The following EVC2 variants were observed in gnomAD, a reference collection of about 807,000 sequenced individuals.
EVC2 encodes the protein EvC ciliary complex subunit 2, also known as limbin.
EVC2 carries 148 observed loss-of-function variants against 149.3 expected under a neutral mutation model. That is an observed-to-expected ratio of 0.99 (90% CI 0.87 to 1.14). The LOEUF (loss-of-function observed/expected upper bound fraction) is 1.14. EVC2 is among the 50% of genes most tolerant of loss of function. The pLI is 0.00. For synonymous variants in EVC2, 776 were observed against 649.9 expected (o/e 1.19, Z -2.95); for missense variants, 1,854 against 1,627.3 (o/e 1.14, Z -2.40).
chr4:5,643,602 C>A (rs1032729249), intron 9 of EVC2, among the ~76,000 whole-genome samples: 1 of 152,162 alleles, frequency 6.6e-6, no homozygotes, highest in Non-Finnish European at 1.5e-5. Flanking sequence ...GTGCGACTAC[C>A]TACACTGTCA....
At chr4:5,604,278 C>T (rs1398411983) in intron 16 of EVC2, among the ~76,000 whole-genome samples, 1 of 152,202 alleles carries the variant, frequency 6.6e-6, no homozygotes, top group Non-Finnish European at 1.5e-5. Context: ...AGGGAACTCT[C>T]ATATATTGAT....
rs1722372707 is a variant in EVC2, at chr4:5,708,549, G to A, written c.-36C>T. 3.7e-6 allele frequency: 5 copies of A among 1,363,796 alleles called. No individual in the cohort carries two copies. The highest frequency in any genetic ancestry group is 3.0e-5 in the East Asian group (1 of 33,186). 84.5% of individuals were successfully genotyped at this position (1,363,796 alleles called of 1,614,324 possible). ...GACCCGCTACCTCAAAGCGGCGGGT[G>A]CCGCCGAGTCGCTGGAGCTTCCGGA... On this transcript the variant is annotated 5_prime_UTR_variant, in exon 1 of 22. Coordinates refer to ENST00000344408, the MANE Select transcript of EVC2 (RefSeq NM_147127.5).
chr4:5,602,637 A>C lies in EVC2; in HGVS notation c.2829+12785T>G, dbSNP rs1714077093. Among the ~76,000 whole-genome samples, 11 of 152,196 alleles carry C rather than the reference A, an allele frequency of 7.2e-5. No homozygotes were observed. In the South Asian group the frequency reaches 2.3e-3, roughly 32 times the overall value. On this transcript the variant is annotated intron_variant, in intron 16 of 21. Transcript: ENST00000344408. Reference sequence around the variant, plus strand: ...AAAACAAAAAGTTATACAGTAAAGAAAAAGGATTCTAGTTTCCCACAAGAT... The same window carrying C: ...AAAACAAAAAGTTATACAGTAAAGACAAAGGATTCTAGTTTCCCACAAGAT...
chr4:5,534,276 G>C, the EVC2 span, among the ~76,000 whole-genome samples: 1 of 152,202 alleles, frequency 6.6e-6, no homozygotes, highest in East Asian at 1.9e-4. Context: ...GTGGGAATTT[G>C]TGGGTGCTGT....
intron 16 of EVC2, among the ~76,000 whole-genome samples, chr4:5,602,291 T>TAAAAAAAAAAAA (rs571933194): frequency 6.3e-4 from 51 of 81,572 alleles, no homozygotes; most frequent in Non-Finnish European, 8.3e-4. Flanking sequence ...CATTGCCTCT[T>TAAAAAAAAAAAA]AAAAAAAAAA....
In EVC2 at chr4:5,584,863, A is replaced by G; in HGVS notation, c.2830-13T>C. ...ATTCACCTCGAACCTGGGAGGGGAC[A>G]GGGATGGACCCAAACCCAGAGAGCA... is the stretch of plus-strand genomic sequence containing the variant. On this transcript the variant is annotated splice_polypyrimidine_tract_variant and intron_variant, in intron 16 of 21. Coordinates refer to ENST00000344408, the MANE Select transcript of EVC2 (RefSeq NM_147127.5). 1.2e-6 allele frequency: 2 copies of G among 1,614,036 alleles called. No homozygotes were observed. Among genetic ancestry groups the G allele is most frequent in the Non-Finnish European group, 1.7e-6 (2 of 1,179,946 alleles).
rs916716272 is a variant in EVC2 at position 5,708,337 on chromosome 4, G to T, written c.177C>A (p.Gly59=). 1 of 1,476,892 alleles carries T rather than the reference G, an allele frequency of 6.8e-7. No homozygotes were observed. Among genetic ancestry groups the T allele is most frequent in the East Asian group, 2.8e-5 (1 of 36,360 alleles). 91.5% of individuals were successfully genotyped at this position (1,476,892 alleles called of 1,614,324 possible). A position where few individuals can be genotyped will look rare whatever the true frequency, so the allele number is the denominator to read the frequency against. ...CGCTCCGCCCCGGAGGGATCCTCAG[G>T]CCGGGCCCAGACCTAGGAGCCACCT... ...DPQVAPRSGP[G]LRIPPGRSGA... The change falls in exon 1 of 22, where the codon GGC becomes GGA. Residue 59 remains glycine, a synonymous_variant. Transcript: ENST00000344408.
At chr4:5,571,040 G>A (rs1722614242) in intron 19 of EVC2, among the ~76,000 whole-genome samples, 1 of 152,172 alleles carries the variant, frequency 6.6e-6, no homozygotes, top group African/African-American at 2.4e-5. Context: ...ATTGGGCCGG[G>A]CGTCGTGGCT....
intron 16 of EVC2, among the ~76,000 whole-genome samples, chr4:5,612,945 A>G (rs1198949307): frequency 1.3e-5 from 2 of 150,678 alleles, no homozygotes; most frequent in African/African-American, 2.4e-5. Context: ...AAAAAAAAAA[A>G]AAAAGAAATA....
In EVC2 at chr4:5,569,693, A is replaced by T. The variant is rs1405217469; in HGVS notation, c.3361-1053T>A. On this transcript the variant is annotated intron_variant, in intron 19 of 21. Transcript: ENST00000344408. The surrounding 1 kb of genome is among the most constrained non-coding windows in gnomAD (Gnocchi z 4.8). ...AGTCCAGGTGCCGGAAGCCAAGGAG[A>T]GAACGTGTTCAGAAGGGTGGGCTGG... Among the ~76,000 whole-genome samples, 1 of 151,956 alleles carries T rather than the reference A, an allele frequency of 6.6e-6. No individual in the cohort carries two copies. The highest frequency in any genetic ancestry group is 2.4e-5 in the African/African-American group (1 of 41,374).
At chr4:5,585,688 C>T (rs1443162473) in intron 16 of EVC2, among the ~76,000 whole-genome samples, 1 of 152,058 alleles carries the variant, frequency 6.6e-6, no homozygotes, top group Non-Finnish European at 1.5e-5. Flanking sequence ...CCTATGAAAC[C>T]ATCGCCACAA....
At position 5,681,279 on chromosome 4, in the gene EVC2, GT is replaced by G. The variant is rs886044525; in HGVS notation, c.850del (p.Thr284GlnfsTer6). On this transcript the variant is annotated frameshift_variant, in exon 7 of 22. Transcript: ENST00000344408. LOFTEE classifies it high-confidence loss of function. Reference protein sequence around the residue: ...RTQLKVLFSITAEENVTVLPH... With the variant: ...RTQLKVLFSIXAEENVTVLPH... ...TCTTACCGTTACGTTTTCTTCTGCT[GT>G]TATGGAAAAAAGCACTTTCAGCTGT... 1 of 1,614,210 alleles carries G rather than the reference GT, an allele frequency of 6.2e-7. No individual in the cohort carries two copies. The highest frequency in any genetic ancestry group is 1.1e-5 in the South Asian group (1 of 91,088).
intron 16 of EVC2, among the ~76,000 whole-genome samples, chr4:5,594,903 G>C (rs1185591509): frequency 6.6e-6 from 1 of 152,200 alleles, no homozygotes; most frequent in Admixed American, 6.5e-5. Context: ...ACCAAGGCTA[G>C]AGAACTACGA....
Position 5,615,428 on chromosome 4 carries a change from C to T in EVC2, c.2823G>A (p.Val941=). The stretch of plus-strand genomic sequence containing the variant: ...GTGAAGCAGATGTACTGACCTTTTC[C>T]ACCAGGTCTTCAGAGGCCTGTTCCT... The part of the protein sequence containing the change: ...LCEEQASEDL[V]EKVRGELLRE... Residue 941 remains valine (V), a synonymous_variant, in exon 16 of 22, where the codon GTG becomes GTA. Transcript: ENST00000344408. The T allele has an allele frequency of 6.2e-7, 1 of 1,614,214 alleles. No homozygotes were observed. Among genetic ancestry groups the T allele is most frequent in the Non-Finnish European group, 8.5e-7 (1 of 1,180,030 alleles).
Position 5,689,238 on chromosome 4 carries a change from T to C in EVC2, c.625A>G (p.Ile209Val). 1.2e-6 allele frequency: 2 copies of C among 1,614,242 alleles called. No homozygotes were observed. The highest frequency in any genetic ancestry group is 1.7e-6 in the Non-Finnish European group (2 of 1,180,042). Residue 209 changes from isoleucine (I) to valine (V), a missense_variant, in exon 5 of 22, where the codon ATT (isoleucine) becomes GTT (valine). Transcript: ENST00000344408. ...GAGTCCCAAATGGTGAGACCAGCAATGCTGTCCAGCAAGAGCAGCTCCGAG... is the reference window on the plus strand; with the variant it reads ...GAGTCCCAAATGGTGAGACCAGCAACGCTGTCCAGCAAGAGCAGCTCCGAG... ...NLSELLLLDSIAGLTIWDSVG... is the reference protein window; with the variant it reads ...NLSELLLLDSVAGLTIWDSVG...
At chr4:5,706,321 C>CATACATAGATAGATAGATAGATAG (rs1722132944) in intron 1 of EVC2, among the ~76,000 whole-genome samples, 1 of 26,508 alleles carries the variant, frequency 3.8e-5, no homozygotes, top group African/African-American at 1.6e-4. Context: ...TAGATAGATA[C>CATACATAGATAGATAGATAGATAG]ATAGATAGAT....
At chr4:5,684,444 G>T (rs1439397118) in intron 6 of EVC2, among the ~76,000 whole-genome samples, 2 of 152,168 alleles carry the variant, frequency 1.3e-5, no homozygotes, top group African/African-American at 4.8e-5. Flanking sequence ...GTCATGCTAT[G>T]AGCCTCATCT....
intron 16 of EVC2, among the ~76,000 whole-genome samples, chr4:5,594,295 C>T (rs1451348969): frequency 6.6e-6 from 1 of 152,216 alleles, no homozygotes; most frequent in South Asian, 2.1e-4. Flanking sequence ...CCCCTGACCC[C>T]CGAGCAGCCT....
At chr4:5,575,892 T>A (rs1479646666) in intron 18 of EVC2, among the ~76,000 whole-genome samples, 1 of 152,214 alleles carries the variant, frequency 6.6e-6, no homozygotes, top group African/African-American at 2.4e-5. Context: ...CAATGTCAAT[T>A]CACATACCAT....
Sources: gnomAD v4.1 joint callset for allele counts (sites outside exome capture counted in the v4.1 genomes callset) on GRCh38, gnomAD v4.1.1 for gene constraint, Gnocchi (gnomAD v3.1) non-coding constraint, MANE v1.5 for transcripts, NCBI Gene and HGNC (gene_info 2026-07-23, HGNC 2026-07-21) for gene names.